Variants in NFIB observed in about 807,000 individuals in gnomAD.
NFIB encodes nuclear factor 1 B-type.
A neutral mutation model predicts 61.5 loss-of-function variants in NFIB; 11 were observed. The observed-to-expected ratio is 0.18, with a 90% CI of 0.11 to 0.30. NFIB has a LOEUF of 0.30. Among genes scored for constraint, NFIB ranks in the 10% least tolerant of loss-of-function variants. The pLI is 1.00. For synonymous variants in NFIB, 260 were observed against 216.5 expected (o/e 1.20, Z -1.76); for missense variants, 471 against 608.9 (o/e 0.77, Z 2.38).
intron 2 of NFIB, chr9:14,204,322 GA>G: frequency 1.4e-6 from 1 of 735,298 alleles, no homozygotes; most frequent in Non-Finnish European, 2.4e-6. Context: ...AGGAGGCCAA[GA>G]AAGTGGTCAA....
chr9:14,350,783 C>G (rs1423482883), intron 1 of NFIB, among the ~76,000 whole-genome samples: 1 of 152,184 alleles, frequency 6.6e-6, no homozygotes, highest in Non-Finnish European at 1.5e-5. Context: ...TAACCAATTT[C>G]TGGTCTGCCG....
At chr9:14,125,324 AT>A (rs2039495098) in intron 7 of NFIB, among the ~76,000 whole-genome samples, 1 of 152,008 alleles carries the variant, frequency 6.6e-6, no homozygotes, top group Non-Finnish European at 1.5e-5. Flanking sequence ...TGCCAGGCTA[AT>A]TTTTGTATTT....
chr9:14,444,824 G>A, the NFIB span, among the ~76,000 whole-genome samples: 2 of 152,148 alleles, frequency 1.3e-5, no homozygotes, highest in African/African-American at 4.8e-5. Flanking sequence ...TACAAGGACT[G>A]TAGAGACCCT....
chr9:14,466,272 C>A, the NFIB span, among the ~76,000 whole-genome samples: 1 of 152,082 alleles, frequency 6.6e-6, no homozygotes, highest in Non-Finnish European at 1.5e-5. Flanking sequence ...GTCATAAAAC[C>A]CTGAAGGTCT....
At chr9:14,388,241 T>C (rs1348979037) in intron 1 of NFIB, among the ~76,000 whole-genome samples, 1 of 151,930 alleles carries the variant, frequency 6.6e-6, no homozygotes, top group Non-Finnish European at 1.5e-5. Context: ...GGTGTGGTGG[T>C]ATGCACCTGT....
At chr9:14,275,073 C>T (rs1287705262) in intron 2 of NFIB, among the ~76,000 whole-genome samples, 4 of 152,182 alleles carry the variant, frequency 2.6e-5, no homozygotes, top group South Asian at 2.1e-4. Context: ...ATCCAGTGGG[C>T]GAACTATCAG....
At chr9:14,230,336 A>G (rs1409286963) in intron 2 of NFIB, among the ~76,000 whole-genome samples, 2 of 152,224 alleles carry the variant, frequency 1.3e-5, no homozygotes, top group African/African-American at 4.8e-5. Flanking sequence ...TGTCCAAGCT[A>G]TATGACTATT....
At chr9:14,496,023 C>T in the NFIB span, among the ~76,000 whole-genome samples, 3 of 152,160 alleles carry the variant, frequency 2.0e-5, no homozygotes, top group Admixed American at 2.0e-4. Context: ...CCTCATAGGG[C>T]TGTTGTGAGA....
At chr9:14,384,673 T>C (rs371497555) in intron 1 of NFIB, among the ~76,000 whole-genome samples, 4 of 152,204 alleles carry the variant, frequency 2.6e-5, no homozygotes, top group African/African-American at 9.6e-5. Context: ...GTTGATGATA[T>C]GATCTCAGTC....
At chr9:14,263,752 G>A (rs764184448) in intron 2 of NFIB, among the ~76,000 whole-genome samples, 10 of 152,180 alleles carry the variant, frequency 6.6e-5, no homozygotes, top group Non-Finnish European at 1.3e-4. Context: ...ATAGCAAAAC[G>A]AAAACTGAGC....
chr9:14,372,026 G>C lies in NFIB; in HGVS notation c.108+26498C>G, dbSNP rs534578182. Among the ~76,000 whole-genome samples, 4 of 152,170 alleles carry C rather than the reference G, an allele frequency of 2.6e-5. No homozygotes were observed. The South Asian group carries it at 8.3e-4, about 32-fold the overall frequency. On this transcript the variant is annotated intron_variant, in intron 1 of 8. Transcript: ENST00000380934. ...GCTGAGGATGAGCCTCACTCGGTGA[G>C]CTTAGAGCACCATCTCTACATGAGT...
At chr9:14,396,386 C>A (rs947859688) in intron 1 of NFIB, among the ~76,000 whole-genome samples, 1 of 152,076 alleles carries the variant, frequency 6.6e-6, no homozygotes, top group African/African-American at 2.4e-5. Flanking sequence ...CGCCTCTGTG[C>A]CACTCATTGT....
chr9:14,086,545 C>G lies in NFIB; in HGVS notation c.*1764G>C, dbSNP rs2032893319. 3 of 214,110 alleles carry G rather than the reference C, an allele frequency of 1.4e-5. No individual in the cohort carries two copies. The highest frequency in any genetic ancestry group is 9.4e-6 in the Non-Finnish European group (1 of 105,944). The allele number at this position is 214,110 out of a possible 1,614,324, so 13.3% of individuals were successfully genotyped here. A position where few individuals can be genotyped will look rare whatever the true frequency, so the allele number is the denominator to read the frequency against. The stretch of plus-strand genomic sequence containing the variant: ...AACATGAAAGGTTAATAGAAAAAAA[C>G]ACCAAAATACTGAAAATATTGCTGG... On this transcript the variant is annotated 3_prime_UTR_variant, in exon 11 of 11. Coordinates refer to ENST00000380953, the MANE Select transcript of NFIB (RefSeq NM_001190737.2).
the NFIB span, among the ~76,000 whole-genome samples, chr9:14,508,653 C>G: frequency 7.9e-5 from 12 of 152,176 alleles, no homozygotes; most frequent in East Asian, 2.3e-3. Context: ...GGAAGCAAGC[C>G]CGAATGGGAT....
chr9:14,158,801 T>C (rs1054639743), intron 3 of NFIB, among the ~76,000 whole-genome samples: 1 of 152,172 alleles, frequency 6.6e-6, no homozygotes, highest in Non-Finnish European at 1.5e-5. Context: ...TCGGATTGTA[T>C]CTCTTACTTT....
chr9:14,466,662 CTCTCT>C, the NFIB span, among the ~76,000 whole-genome samples: 1 of 152,224 alleles, frequency 6.6e-6, no homozygotes, highest in Non-Finnish European at 1.5e-5. Flanking sequence ...GCCCTTTCTC[CTCTCT>C]TCTTTCTCCT....
chr9:14,514,943 A>T, the NFIB span, among the ~76,000 whole-genome samples: 1 of 152,142 alleles, frequency 6.6e-6, no homozygotes, highest in East Asian at 1.9e-4. Context: ...CTAAGATATT[A>T]TATCTCCTTA....
chr9:14,457,501 A>G, the NFIB span, among the ~76,000 whole-genome samples: 1 of 152,058 alleles, frequency 6.6e-6, no homozygotes, highest in African/African-American at 2.4e-5. Context: ...AAGGCAAGAA[A>G]TAACTAAGAT....
At chr9:14,271,100 G>A (rs2057579837) in intron 2 of NFIB, among the ~76,000 whole-genome samples, 1 of 151,922 alleles carries the variant, frequency 6.6e-6, no homozygotes, top group Non-Finnish European at 1.5e-5. Context: ...CATTAGAAGA[G>A]ACCTCCCACC....
Sources: gnomAD v4.1 joint callset for allele counts (sites outside exome capture counted in the v4.1 genomes callset) on GRCh38, gnomAD v4.1.1 for gene constraint, MANE v1.5 for transcripts, NCBI Gene and HGNC (gene_info 2026-07-23, HGNC 2026-07-21) for gene names.